EFHC1: variants seen among roughly 807,000 people sequenced by gnomAD.
EFHC1 encodes EF-hand domain containing 1, also known as EF-hand domain-containing protein 1.
In EFHC1, 53 loss-of-function variants were observed where a neutral mutation model predicts 69.9. That is an observed-to-expected ratio of 0.76 (90% CI 0.61 to 0.95). The LOEUF (loss-of-function observed/expected upper bound fraction) is 0.95, where lower values mean the gene tolerates loss of function less well. Among genes scored for constraint, EFHC1 ranks in the 40% least tolerant of loss-of-function variants. The pLI is 0.00. For missense variants in EFHC1, 739 were observed against 798.7 expected (o/e 0.93, Z 0.90); for synonymous variants, 256 against 278.4 (o/e 0.92, Z 0.80).
chr6:52,480,765 AAT>A (rs1765656965), intron 9 of EFHC1, among the ~76,000 whole-genome samples: 1 of 152,192 alleles, frequency 6.6e-6, no homozygotes, highest in Non-Finnish European at 1.5e-5. Context: ...AAATACTAGC[AAT>A]ATTTTACTTA....
chr6:52,474,004 A>G (rs1259570999), intron 7 of EFHC1, among the ~76,000 whole-genome samples: 1 of 152,076 alleles, frequency 6.6e-6, no homozygotes, highest in Non-Finnish European at 1.5e-5. Context: ...CATTTCACAA[A>G]AGAGGATATC....
At chr6:52,424,270 A>G in intron 2 of EFHC1, 103 bp downstream of exon 2, 1 of 1,144,938 alleles carries the variant, frequency 8.7e-7, no homozygotes, top group South Asian at 1.3e-5. Flanking sequence ...AAGGGCTCTG[A>G]GGAGAAAATT....
chr6:52,453,095 A>G (rs768473618), intron 4 of EFHC1: 264 of 1,457,418 alleles, frequency 1.8e-4, no homozygotes, highest in Non-Finnish European at 2.3e-4. Flanking sequence ...TTAAATCTCA[A>G]AGCAATTCCT....
chr6:52,453,567 T>C, intron 4 of EFHC1: 1 of 1,281,068 alleles, frequency 7.8e-7, no homozygotes, highest in East Asian at 5.6e-5. Context: ...CATATATCTG[T>C]TATTATTTTG....
At chr6:52,455,468 C>T (rs576500738) in intron 5 of EFHC1, among the ~76,000 whole-genome samples, 83 of 152,174 alleles carry the variant, frequency 5.5e-4, no homozygotes, top group African/African-American at 1.9e-3. Flanking sequence ...TTCTAGCTAA[C>T]ATGGTGAAAC....
At chr6:52,459,770 G>A (rs577652573) in intron 5 of EFHC1, among the ~76,000 whole-genome samples, 6 of 152,240 alleles carry the variant, frequency 3.9e-5, no homozygotes, top group African/African-American at 1.4e-4. Flanking sequence ...CGCCTCCCAG[G>A]TTCACACCAT....
chr6:52,420,939 A>C, intron 1 of EFHC1: 3 of 949,300 alleles, frequency 3.2e-6, no homozygotes, highest in African/African-American at 1.7e-5. Context: ...CTTCAACCTC[A>C]TTCCCACAGG....
chr6:52,494,542 T>C lies in EFHC1; in HGVS notation c.*2201T>C, dbSNP rs1379461196. 2 of 454,008 alleles carry C rather than the reference T, an allele frequency of 4.4e-6. No individual in the cohort carries two copies. The highest frequency in any genetic ancestry group is 4.0e-5 in the African/African-American group (2 of 50,008). The allele number at this position is 454,008 out of a possible 1,614,324, so 28.1% of individuals were successfully genotyped here. On this transcript the variant is annotated 3_prime_UTR_variant, in exon 11 of 11. Transcript: ENST00000371068. The stretch of plus-strand genomic sequence containing the variant: ...GTCGTAATGTGGGGCCAGGTCTGAG[T>C]GACATGTGCCGAAAGGCTGACTCTT...
chr6:52,455,178 A>T lies in EFHC1; in HGVS notation c.916+891A>T, dbSNP rs57382864. 3.7e-3 allele frequency among the ~76,000 whole-genome samples: 566 copies of T among 152,274 alleles called. 4 individuals carry two copies. The highest frequency in any genetic ancestry group is 0.013 in the African/African-American group (520 of 41,544). The stretch of plus-strand genomic sequence containing the variant: ...TACCTGCTGTTCACTGTTTCCTGGG[A>T]TGAGTAGGCTTGCTTTAGTTATTGT... On this transcript the variant is annotated intron_variant, in intron 5 of 10. Coordinates refer to ENST00000371068, the MANE Select transcript of EFHC1 (RefSeq NM_018100.4).
At chr6:52,430,650 G>T (rs1764394966) in intron 2 of EFHC1, among the ~76,000 whole-genome samples, 2 of 152,132 alleles carry the variant, frequency 1.3e-5, no homozygotes, top group African/African-American at 4.8e-5. Flanking sequence ...GTTCATCAGG[G>T]ATATCAGTCT....
At position 52,495,440 on chromosome 6, in the gene EFHC1, T is replaced by C. The variant is rs1294745561; in HGVS notation, c.*3099T>C. ...TGGTAGAGGAGCTTTGGGCTACTCC[T>C]TAACAAATCATTCATGGATCGGCAG... On this transcript the variant is annotated 3_prime_UTR_variant, in exon 11 of 11. Transcript: ENST00000371068. The C allele has an allele frequency of 2.2e-6, 1 of 454,144 alleles. No homozygotes were observed. The highest frequency in any genetic ancestry group is 6.9e-5 in the East Asian group (1 of 14,396). The allele number at this position is 454,144 out of a possible 1,614,324, so 28.1% of individuals were successfully genotyped here.
intron 9 of EFHC1, chr6:52,483,019 C>T (rs997233387): frequency 3.8e-5 from 15 of 395,230 alleles, no homozygotes; most frequent in African/African-American, 2.9e-4. Flanking sequence ...GATAGCTACA[C>T]ACTTTACTGT....
chr6:52,494,617 A>G lies in EFHC1; in HGVS notation c.*2276A>G, dbSNP rs982845638. The stretch of plus-strand genomic sequence containing the variant: ...TTTTGGATTCAGGGGGTACATGTGC[A>G]GGTTTGTTACATGAGTATATTGCAC... On this transcript the variant is annotated 3_prime_UTR_variant, in exon 11 of 11. Transcript: ENST00000371068. 5 of 453,984 alleles carry G rather than the reference A, an allele frequency of 1.1e-5. No homozygotes were observed. In the East Asian group the frequency reaches 3.5e-4, roughly 32 times the overall value. 28.1% of individuals were successfully genotyped at this position (453,984 alleles called of 1,614,324 possible).
chr6:52,488,684 CTCT>C (rs1300942013), intron 9 of EFHC1: 1 of 152,156 alleles, frequency 6.6e-6, no homozygotes, highest in Non-Finnish European at 1.5e-5. Flanking sequence ...AGGTAACTAC[CTCT>C]TTCATTTATT....
intron 10 of EFHC1, 150 bp from the exon 11 acceptor site, chr6:52,492,120 C>A: frequency 1.4e-6 from 1 of 717,302 alleles, no homozygotes; most frequent in Non-Finnish European, 2.5e-6. Flanking sequence ...CTGCCAGGTT[C>A]ACAGGATCAT....
At chr6:52,466,580 G>A (rs1765311503) in intron 6 of EFHC1, among the ~76,000 whole-genome samples, 1 of 152,026 alleles carries the variant, frequency 6.6e-6, no homozygotes, top group Non-Finnish European at 1.5e-5. Context: ...TGAATATTTT[G>A]TACTAGATTG....
chr6:52,422,143 A>G (rs752189691), intron 1 of EFHC1, among the ~76,000 whole-genome samples: 2 of 152,220 alleles, frequency 1.3e-5, no homozygotes, highest in Admixed American at 6.5e-5. Context: ...AACGATTTTA[A>G]AAAAAGACAC....
At chr6:52,483,025 A>G in intron 9 of EFHC1, 1 of 394,980 alleles carries the variant, frequency 2.5e-6, no homozygotes, top group Non-Finnish European at 4.5e-6. Context: ...TACACACTTT[A>G]CTGTCTGCGT....
chr6:52,479,901 A>G, intron 9 of EFHC1, 114 bp downstream of exon 9: 1 of 1,488,078 alleles, frequency 6.7e-7, no homozygotes, highest in Non-Finnish European at 9.1e-7. Flanking sequence ...CCAGGTGGGA[A>G]TTATTAGATA....
Sources: allele counts gnomAD v4.1 joint callset (sites outside exome capture counted in the v4.1 genomes callset), GRCh38; gene constraint gnomAD v4.1.1; transcripts MANE v1.5; gene names NCBI Gene and HGNC (gene_info 2026-07-23, HGNC 2026-07-21).